The following GLCCI1 variants were observed in gnomAD, a reference collection of about 807,000 sequenced individuals.
GLCCI1 encodes glucocorticoid-induced transcript 1 protein.
Under a neutral mutation model 52.2 loss-of-function variants are expected in GLCCI1, and 24 were observed. The ratio of observed to expected loss-of-function variants is 0.46; its 90% CI spans 0.33 to 0.65. GLCCI1 has a LOEUF of 0.65. Among genes scored for constraint, GLCCI1 ranks in the 30% least tolerant of loss-of-function variants. The probability of loss-of-function intolerance (pLI) is 0.02; values close to 1 mark genes in which losing one functional copy is unlikely to be tolerated. For missense variants in GLCCI1, 704 were observed against 701.5 expected, an observed-to-expected ratio of 1.00 and a Z score of -0.04; for synonymous variants, 310 against 276.5, an observed-to-expected ratio of 1.12 and a Z score of -1.20.
At chr7:7,994,918 A>G (rs1353325852) in intron 1 of GLCCI1, among the ~76,000 whole-genome samples, 2 of 152,194 alleles carry the variant, frequency 1.3e-5, no homozygotes, top group East Asian at 1.9e-4. Flanking sequence ...TGTCCAGGTA[A>G]TGGTTTCACT....
chr7:7,990,409 C>T (rs1467699574), intron 1 of GLCCI1, among the ~76,000 whole-genome samples: 1 of 152,046 alleles, frequency 6.6e-6, no homozygotes, highest in African/African-American at 2.4e-5. Flanking sequence ...TAATAATGCC[C>T]AGTTTTGTGG....
intron 4 of GLCCI1, among the ~76,000 whole-genome samples, chr7:8,058,064 T>C (rs542038060): frequency 6.6e-6 from 1 of 152,278 alleles, no homozygotes; most frequent in Non-Finnish European, 1.5e-5. Flanking sequence ...TGTTGAATTA[T>C]GTTTATGATT....
At chr7:8,023,750 C>T (rs1223562078) in intron 3 of GLCCI1, among the ~76,000 whole-genome samples, 2 of 151,574 alleles carry the variant, frequency 1.3e-5, no homozygotes, top group Admixed American at 6.6e-5. Context: ...AGATATGTGC[C>T]ACCATGTCCA....
chr7:8,014,533 T>TG (rs1781337705), intron 2 of GLCCI1, among the ~76,000 whole-genome samples: 1 of 152,008 alleles, frequency 6.6e-6, no homozygotes, highest in African/African-American at 2.4e-5. Context: ...GAGTTCTTAA[T>TG]TTTTTTTCAT....
intron 3 of GLCCI1, among the ~76,000 whole-genome samples, chr7:8,028,778 C>G (rs1380989775): frequency 6.6e-6 from 1 of 152,022 alleles, no homozygotes; most frequent in African/African-American, 2.4e-5. Context: ...GACTTTACAG[C>G]CGATACCACA....
intron 5 of GLCCI1, among the ~76,000 whole-genome samples, chr7:8,061,269 T>C (rs574296145): frequency 2.6e-4 from 40 of 151,990 alleles, no homozygotes; most frequent in Non-Finnish European, 5.2e-4. Flanking sequence ...CCGGCTAATT[T>C]TTTTGTATTT....
At chr7:7,971,004 A>G (rs1169474887) in intron 1 of GLCCI1, among the ~76,000 whole-genome samples, 2 of 152,126 alleles carry the variant, frequency 1.3e-5, no homozygotes, top group East Asian at 3.9e-4. Flanking sequence ...GCATTATGAT[A>G]CATTGCAGTC....
In GLCCI1 at chr7:8,087,966, G is replaced by C. The variant is rs999265193; in HGVS notation, c.*1428G>C. ...AGCCTAACTTTCATTGTTTTCTTCA[G>C]TACAAAGAGTATCCAAAAGCTAAGT... On this transcript the variant is annotated 3_prime_UTR_variant, in exon 8 of 8. Coordinates refer to ENST00000223145, the MANE Select transcript of GLCCI1 (RefSeq NM_138426.4). 2 of 152,496 alleles carry C rather than the reference G, an allele frequency of 1.3e-5. No homozygotes were observed. The highest frequency in any genetic ancestry group is 2.1e-4 in the South Asian group (1 of 4,822). 9.4% of individuals were successfully genotyped at this position (152,496 alleles called of 1,614,324 possible). A position where few individuals can be genotyped will look rare whatever the true frequency, so the allele number is the denominator to read the frequency against.
chr7:8,006,485 A>AT lies in GLCCI1; in HGVS notation c.609+2428dup, dbSNP rs532947973. Among the ~76,000 whole-genome samples the AT allele has an allele frequency of 4.5e-3, 683 of 152,338 alleles. 1 individual carries two copies. The highest frequency in any genetic ancestry group is 0.016 in the African/African-American group (661 of 41,590). The stretch of plus-strand genomic sequence containing the variant: ...ACCTAACCCATAATATTACTGTGTG[A>AT]TTAAGTATGATAATATTGAAGGTAA... On this transcript the variant is annotated intron_variant, in intron 2 of 7. Coordinates refer to ENST00000223145, the MANE Select transcript of GLCCI1 (RefSeq NM_138426.4).
intron 3 of GLCCI1, among the ~76,000 whole-genome samples, chr7:8,030,200 T>C (rs1781715014): frequency 6.6e-6 from 1 of 152,146 alleles, no homozygotes; most frequent in South Asian, 2.1e-4. Flanking sequence ...AACAGACCCG[T>C]AGACCAATGG....
chr7:7,995,418 G>A (rs1409667106), intron 1 of GLCCI1, among the ~76,000 whole-genome samples: 2 of 152,150 alleles, frequency 1.3e-5, no homozygotes, highest in Non-Finnish European at 2.9e-5. Context: ...GCTAAGGCAG[G>A]AGGATCATCT....
intron 5 of GLCCI1, among the ~76,000 whole-genome samples, chr7:8,067,827 T>C (rs1782665574): frequency 6.6e-6 from 1 of 152,174 alleles, no homozygotes; most frequent in Admixed American, 6.5e-5. Context: ...ATTATGTATC[T>C]TGGGAATGGT....
At chr7:8,021,127 A>C (rs933032230) in intron 2 of GLCCI1, among the ~76,000 whole-genome samples, 6 of 152,266 alleles carry the variant, frequency 3.9e-5, no homozygotes, top group African/African-American at 1.4e-4. Flanking sequence ...GTTTTTTTGA[A>C]TATCATTGCT....
At chr7:8,077,342 G>A (rs1000458231) in intron 6 of GLCCI1, among the ~76,000 whole-genome samples, 2 of 152,210 alleles carry the variant, frequency 1.3e-5, no homozygotes, top group African/African-American at 2.4e-5. Flanking sequence ...TGAAGCTCTT[G>A]CCTGAGCCAT....
chr7:8,002,057 G>C lies in GLCCI1; in HGVS notation c.458-1851G>C, dbSNP rs905216588. ...ACATGTATACCTATGTAACAAATCT[G>C]CACATTGTGCACATGTACCCTAGAA... On this transcript the variant is annotated intron_variant, in intron 1 of 7. Coordinates refer to ENST00000223145, the MANE Select transcript of GLCCI1 (RefSeq NM_138426.4). Among the ~76,000 whole-genome samples the C allele has an allele frequency of 4.0e-5, 6 of 151,762 alleles. 1 individual carries two copies. Among genetic ancestry groups the C allele is most frequent in the African/African-American group, 1.5e-4 (6 of 41,338 alleles).
chr7:8,017,197 A>G (rs193258474), intron 2 of GLCCI1, among the ~76,000 whole-genome samples: 59 of 152,310 alleles, frequency 3.9e-4, no homozygotes, highest in African/African-American at 1.4e-3. Context: ...TCTTAGCACT[A>G]TTTTTATGAC....
In GLCCI1 at chr7:8,086,153, T is replaced by C. The variant is rs202115242; in HGVS notation, c.1299-40T>C. On this transcript the variant is annotated intron_variant, in intron 7 of 7. Coordinates refer to ENST00000223145, the MANE Select transcript of GLCCI1 (RefSeq NM_138426.4). This position sits in a 1 kb window ranked among gnomAD's most constrained non-coding sequence, Gnocchi z 4.4. ...TTCAGAAAATGCTTAACTTTTTCTG[T>C]GTTCATGATTATAAATCTAATTTTG... 6.2e-5 allele frequency: 93 copies of C among 1,501,262 alleles called. No individual in the cohort carries two copies. In the East Asian group the frequency reaches 1.8e-3, roughly 29 times the overall value. 93.0% of individuals were successfully genotyped at this position (1,501,262 alleles called of 1,614,324 possible). A position where few individuals can be genotyped will look rare whatever the true frequency, so the allele number is the denominator to read the frequency against.
chr7:8,054,782 T>G (rs141820747), intron 3 of GLCCI1, among the ~76,000 whole-genome samples: 2,373 of 152,192 alleles, frequency 0.016, 52 homozygotes, highest in African/African-American at 0.052. Flanking sequence ...ATGTAAGTAG[T>G]TTAATGAATT....
rs1783148918 is a variant in GLCCI1 at position 8,087,761 on chromosome 7, T to C, written c.*1223T>C. The C allele has an allele frequency of 6.6e-6, 1 of 152,580 alleles. No homozygotes were observed. 9.5% of individuals were successfully genotyped at this position (152,580 alleles called of 1,614,324 possible). On this transcript the variant is annotated 3_prime_UTR_variant, in exon 8 of 8. Transcript: ENST00000223145. Reference sequence around the variant, plus strand: ...TTTTTTTGGTGACTTACAAGAGCAATAGTTTGAAGCTATCTCATTTAAGCC... The same window carrying C: ...TTTTTTTGGTGACTTACAAGAGCAACAGTTTGAAGCTATCTCATTTAAGCC...
Sources: allele counts gnomAD v4.1 joint callset (sites outside exome capture counted in the v4.1 genomes callset), GRCh38; gene constraint gnomAD v4.1.1; non-coding constraint Gnocchi (gnomAD v3.1); transcripts MANE v1.5; gene names NCBI Gene and HGNC (gene_info 2026-07-23, HGNC 2026-07-21).